The following CFAP70 variants were observed in gnomAD, a reference collection of about 807,000 sequenced individuals.
CFAP70 encodes the protein cilia and flagella associated protein 70.
CFAP70 carries 81 observed loss-of-function variants against 137.6 expected under a neutral mutation model. That is an observed-to-expected ratio of 0.59 (90% CI 0.49 to 0.71). The LOEUF (loss-of-function observed/expected upper bound fraction) is 0.71. Among genes scored for constraint, CFAP70 ranks in the 30% least tolerant of loss-of-function variants. The probability of loss-of-function intolerance (pLI) is 0.00; values close to 1 mark genes in which losing one functional copy is unlikely to be tolerated. For missense variants in CFAP70, 976 were observed against 1,226.7 expected (o/e 0.80, Z 3.05); for synonymous variants, 382 against 423.6 (o/e 0.90, Z 1.20).
chr10:73,269,667 A>G lies in CFAP70; in HGVS notation c.2974T>C (p.Leu992=), dbSNP rs144529717. 64 of 1,613,836 alleles carry G rather than the reference A, an allele frequency of 4.0e-5. No individual in the cohort carries two copies. The African/African-American group carries it at 7.3e-4, about 18-fold the overall frequency. ...CATACTTCAGCATTGTAGTTGTTCA[A>G]TGCATTGGCTTCAGAAAGAGCATCC... is the stretch of plus-strand genomic sequence containing the variant. Residue 992 remains leucine, a synonymous_variant, in exon 25 of 27, where the codon TTG becomes CTG. Transcript: ENST00000310715.
chr10:73,275,313 G>A lies in CFAP70; in HGVS notation c.2673+133C>T. On this transcript the variant is annotated intron_variant, in intron 22 of 26. Transcript: ENST00000310715. The surrounding 1 kb of genome is among the most constrained non-coding windows in gnomAD (Gnocchi z 4.0). The stretch of plus-strand genomic sequence containing the variant: ...TTACTTAAGAAAAGCAAATGGAAGG[G>A]TATAGAGAGATGAGTTTACTGACAG... The A allele has an allele frequency of 9.5e-7, 1 of 1,048,624 alleles. No individual in the cohort carries two copies. The highest frequency in any genetic ancestry group is 1.7e-5 in the South Asian group (1 of 58,416). The allele number at this position is 1,048,624 out of a possible 1,614,324, so 65.0% of individuals were successfully genotyped here.
chr10:73,313,477 A>G (rs1446459258), intron 9 of CFAP70, among the ~76,000 whole-genome samples: 2 of 150,126 alleles, frequency 1.3e-5, no homozygotes, highest in African/African-American at 2.5e-5. Flanking sequence ...CAAGCAGTCA[A>G]GGCTACAGTG....
intron 8 of CFAP70, among the ~76,000 whole-genome samples, chr10:73,324,719 T>C (rs2051225472): frequency 6.6e-6 from 1 of 152,076 alleles, no homozygotes. Context: ...TGTGATCAAC[T>C]GGAAGAAGGA....
chr10:73,291,254 T>A (rs1564793219), exon 19 of CFAP70: 1 of 1,614,216 alleles, frequency 6.2e-7, no homozygotes, highest in Middle Eastern at 1.6e-4. Context: ...TGATTGCTGT[T>A]GCAGAACCAT....
intron 4 of CFAP70, among the ~76,000 whole-genome samples, chr10:73,347,381 C>G (rs1279899101): frequency 6.6e-6 from 1 of 152,022 alleles, no homozygotes; most frequent in African/African-American, 2.4e-5. Flanking sequence ...CTATTTGTAA[C>G]TATCCAAGTG....
intron 5 of CFAP70, among the ~76,000 whole-genome samples, chr10:73,342,224 T>G (rs1246331779): frequency 6.6e-6 from 1 of 152,110 alleles, no homozygotes; most frequent in African/African-American, 2.4e-5. Context: ...TCATTAATAA[T>G]CAGTAAAGTG....
chr10:73,322,686 T>C (rs1319432687), intron 9 of CFAP70, among the ~76,000 whole-genome samples: 1 of 152,208 alleles, frequency 6.6e-6, no homozygotes, highest in Non-Finnish European at 1.5e-5. Flanking sequence ...CTTTTTATTG[T>C]TGAGTAGTAT....
intron 10 of CFAP70, among the ~76,000 whole-genome samples, chr10:73,312,153 C>T (rs537091993): frequency 6.6e-6 from 1 of 152,138 alleles, no homozygotes; most frequent in South Asian, 2.1e-4. Context: ...ACCATGAAAA[C>T]ACATGGACAC....
intron 25 of CFAP70, among the ~76,000 whole-genome samples, chr10:73,257,763 A>G (rs1589231211): frequency 6.6e-6 from 1 of 152,182 alleles, no homozygotes; most frequent in East Asian, 1.9e-4. Context: ...AGAGGCCCAA[A>G]TGATGTCAGG....
exon 6 of CFAP70, chr10:73,341,558 C>A (rs373773869): frequency 1.3e-5 from 21 of 1,613,854 alleles, no homozygotes; most frequent in Non-Finnish European, 1.8e-5. Flanking sequence ...GAGTTCCATT[C>A]TTAAATAAAA....
intron 7 of CFAP70, among the ~76,000 whole-genome samples, chr10:73,333,618 A>AG (rs150445546): frequency 0.11 from 16,087 of 152,238 alleles, 1,228 homozygotes; most frequent in East Asian, 0.3. Context: ...AAGTTGTGAA[A>AG]GAAAAACCCG....
intron 8 of CFAP70, among the ~76,000 whole-genome samples, chr10:73,325,929 G>A (rs1341845377): frequency 3.3e-5 from 5 of 152,104 alleles, no homozygotes; most frequent in African/African-American, 9.6e-5. Flanking sequence ...ACAGATCAAC[G>A]AGACAGAAAG....
chr10:73,324,856 C>A (rs1367729771), intron 8 of CFAP70, among the ~76,000 whole-genome samples: 1 of 152,174 alleles, frequency 6.6e-6, no homozygotes, highest in Non-Finnish European at 1.5e-5. Flanking sequence ...AAATCTACGT[C>A]TGATTGGTGT....
intron 21 of CFAP70, 100 bp downstream of exon 22, chr10:73,277,138 TTC>T (rs2046815474): frequency 4.3e-6 from 6 of 1,390,756 alleles, no homozygotes; most frequent in Admixed American, 4.6e-5. Flanking sequence ...CATATTTGAT[TTC>T]TGTTTCACAA....
intron 23 of CFAP70, among the ~76,000 whole-genome samples, chr10:73,273,590 C>T (rs1035000109): frequency 2.6e-5 from 4 of 152,162 alleles, no homozygotes; most frequent in Admixed American, 6.5e-5. Context: ...CCTGCTTGCC[C>T]GGGGTCTGCC....
At chr10:73,360,669 T>C (rs1463808500), upstream of CFAP70, among the ~76,000 whole-genome samples, 2 of 152,176 alleles carry the variant, frequency 1.3e-5, no homozygotes, top group Non-Finnish European at 2.9e-5. Flanking sequence ...TTACAGGTAA[T>C]AAAGGTTCTC....
At chr10:73,254,331 CT>C (rs920723914) in intron 26 of CFAP70, 12 of 243,786 alleles carry the variant, frequency 4.9e-5, no homozygotes, top group Admixed American at 3.3e-4. Context: ...TTAAAATTTA[CT>C]TTTTTTATTT....
upstream of CFAP70, among the ~76,000 whole-genome samples, chr10:73,362,330 G>A (rs569496711): frequency 6.6e-6 from 1 of 152,284 alleles, no homozygotes; most frequent in Admixed American, 6.5e-5. Flanking sequence ...TGTGAAGAAT[G>A]TCATTGCAAT....
At chr10:73,335,513 A>G (rs1216739850) in exon 7 of CFAP70, 6 of 1,610,580 alleles carry the variant, frequency 3.7e-6, no homozygotes, top group Non-Finnish European at 5.1e-6. Flanking sequence ...CTTGATTCCT[A>G]AATTCGCTGT....
Sources: gnomAD v4.1 joint callset for allele counts (sites outside exome capture counted in the v4.1 genomes callset) on GRCh38, gnomAD v4.1.1 for gene constraint, Gnocchi (gnomAD v3.1) non-coding constraint, MANE v1.5 for transcripts, NCBI Gene and HGNC (gene_info 2026-07-23, HGNC 2026-07-21) for gene names.